The following ARHGEF26 variants were observed in gnomAD, a reference collection of about 807,000 sequenced individuals.
The protein encoded by ARHGEF26 is Rho guanine nucleotide exchange factor 26.
ARHGEF26 carries 59 observed loss-of-function variants against 89.4 expected under a neutral mutation model. The ratio of observed to expected loss-of-function variants is 0.66; its 90% CI spans 0.54 to 0.82. The LOEUF (loss-of-function observed/expected upper bound fraction) is 0.82, where lower values mean the gene tolerates loss of function less well. Among genes scored for constraint, ARHGEF26 ranks in the 40% least tolerant of loss-of-function variants. The pLI is 0.00. For missense variants in ARHGEF26, 1,234 were observed against 1,085.6 expected (o/e 1.14, Z -1.92); for synonymous variants, 500 against 428.4 (o/e 1.17, Z -2.06).
chr3:154,121,838 T>G (rs569589770), intron 1 of ARHGEF26, 104 bp from the exon 2 acceptor site: 1 of 1,034,274 alleles, frequency 9.7e-7, no homozygotes, highest in East Asian at 2.6e-5. Context: ...GGTGCAGTCG[T>G]GTCCTGCGCA....
chr3:154,227,174 T>G (rs1047346381), intron 11 of ARHGEF26, among the ~76,000 whole-genome samples: 2 of 152,312 alleles, frequency 1.3e-5, no homozygotes, highest in African/African-American at 4.8e-5. Context: ...CAATGATACA[T>G]ACATTAAAAT....
At chr3:154,213,792 CTA>C (rs1715553112) in intron 9 of ARHGEF26, among the ~76,000 whole-genome samples, 1 of 152,048 alleles carries the variant, frequency 6.6e-6, no homozygotes, top group Non-Finnish European at 1.5e-5. Context: ...GGGAAGATAA[CTA>C]TGAATAAATT....
chr3:154,199,285 T>A (rs758857050), intron 9 of ARHGEF26, among the ~76,000 whole-genome samples: 1 of 152,040 alleles, frequency 6.6e-6, no homozygotes, highest in Non-Finnish European at 1.5e-5. Flanking sequence ...TAAAAAAAAT[T>A]TTTAAATCCC....
intron 5 of ARHGEF26, among the ~76,000 whole-genome samples, chr3:154,151,564 C>T (rs928888168): frequency 4.6e-5 from 7 of 152,050 alleles, no homozygotes; most frequent in African/African-American, 1.2e-4. Context: ...AAATTCAATA[C>T]GCAGGTTAAA....
chr3:154,190,316 A>G (rs1713877691), intron 7 of ARHGEF26, among the ~76,000 whole-genome samples: 1 of 152,138 alleles, frequency 6.6e-6, no homozygotes, highest in Non-Finnish European at 1.5e-5. Context: ...GTTCGAGACT[A>G]CCCTGGCCAA....
chr3:154,165,787 G>A (rs1182790762), intron 6 of ARHGEF26, among the ~76,000 whole-genome samples: 1 of 152,036 alleles, frequency 6.6e-6, no homozygotes, highest in African/African-American at 2.4e-5. Context: ...GGGCCCTAAG[G>A]TTTCACTTGC....
intron 9 of ARHGEF26, among the ~76,000 whole-genome samples, chr3:154,208,798 C>G (rs988971678): frequency 1.1e-4 from 16 of 140,440 alleles, no homozygotes; most frequent in African/African-American, 3.5e-4. Flanking sequence ...TGGAGTCTCA[C>G]TCTATCACCC....
chr3:154,129,514 A>T, intron 3 of ARHGEF26, 60 bp from the exon 4 acceptor site: 1 of 1,549,186 alleles, frequency 6.5e-7, no homozygotes, highest in South Asian at 1.2e-5. Flanking sequence ...ATGTTTATTT[A>T]GAACAAGTAA....
At chr3:154,253,707 G>A (rs1475050083) in intron 13 of ARHGEF26, among the ~76,000 whole-genome samples, 2 of 152,134 alleles carry the variant, frequency 1.3e-5, no homozygotes, top group African/African-American at 2.4e-5. Flanking sequence ...AGAAACTGGC[G>A]CAGTGAAGGG....
chr3:154,228,084 A>G (rs1292807386), intron 11 of ARHGEF26, among the ~76,000 whole-genome samples: 1 of 152,014 alleles, frequency 6.6e-6, no homozygotes, highest in Admixed American at 6.5e-5. Flanking sequence ...TGCTCAGGTA[A>G]ATTTGAACTT....
chr3:154,129,436 T>C, intron 3 of ARHGEF26, 138 bp from the exon 4 acceptor site: 1 of 980,964 alleles, frequency 1.0e-6, no homozygotes, highest in Non-Finnish European at 1.5e-6. Flanking sequence ...TCTGTAATTA[T>C]TCTTCAGGGA....
At chr3:154,244,690 CAA>C (rs1373265997) in intron 12 of ARHGEF26, among the ~76,000 whole-genome samples, 1 of 151,514 alleles carries the variant, frequency 6.6e-6, no homozygotes, top group Non-Finnish European at 1.5e-5. Context: ...TTATCAATAA[CAA>C]ATTATAAATA....
chr3:154,167,911 T>C (rs1712145064), intron 6 of ARHGEF26, among the ~76,000 whole-genome samples: 1 of 152,188 alleles, frequency 6.6e-6, no homozygotes, highest in Non-Finnish European at 1.5e-5. Flanking sequence ...ATGATTGCAG[T>C]TTTGTTCTTA....
chr3:154,164,686 A>G (rs528372624), intron 6 of ARHGEF26, among the ~76,000 whole-genome samples: 84 of 152,318 alleles, frequency 5.5e-4, no homozygotes, highest in African/African-American at 1.9e-3. Context: ...TGACCAGAAC[A>G]GGGCACAATA....
At chr3:154,149,361 G>A in intron 4 of ARHGEF26, 28 bp from the exon 5 acceptor site, 2 of 1,579,444 alleles carry the variant, frequency 1.3e-6, no homozygotes, top group Non-Finnish European at 8.6e-7. Context: ...TAATAAATGA[G>A]TCAACTCTAC....
Position 154,122,224 on chromosome 3 carries a change from C to A in ARHGEF26, c.232C>A (p.His78Asn). ...CACCGCCTCGGACAGCAGGACGGTA[C>A]ATAGGAGCCCCCTGCTTCTGGGCGC... ...VPTASDSRTVHRSPLLLGAQR... is the reference protein window; with the variant it reads ...VPTASDSRTVNRSPLLLGAQR... The change falls in exon 2 of 15, where the codon CAT becomes AAT. Residue 78 changes from histidine (H) to asparagine (N), a missense_variant. By Grantham distance (68) the His-to-Asn change is moderately conservative (BLOSUM62 1). Transcript: ENST00000465093. 6.2e-7 allele frequency: 1 copy of A among 1,608,970 alleles called. No homozygotes were observed. The highest frequency in any genetic ancestry group is 8.5e-7 in the Non-Finnish European group (1 of 1,178,040).
chr3:154,154,319 TTAAA>T (rs1277673487), intron 6 of ARHGEF26, among the ~76,000 whole-genome samples: 2 of 152,074 alleles, frequency 1.3e-5, no homozygotes, highest in African/African-American at 2.4e-5. Context: ...GAGGTGGTAT[TTAAA>T]ACCTCAGTGA....
At chr3:154,154,794 G>A (rs1232922831) in intron 6 of ARHGEF26, among the ~76,000 whole-genome samples, 2 of 151,922 alleles carry the variant, frequency 1.3e-5, no homozygotes, top group Non-Finnish European at 2.9e-5. Flanking sequence ...TTATCATCGA[G>A]TAACTGTGTA....
chr3:154,257,616 G>A lies in ARHGEF26; in HGVS notation c.*2143G>A, dbSNP rs982266273. Reference sequence around the variant, plus strand: ...ATGTTAAAGTGTTGTTATATGGCAAGTATTTAACACATTCACAGTGTTTGT... The same window carrying A: ...ATGTTAAAGTGTTGTTATATGGCAAATATTTAACACATTCACAGTGTTTGT... On this transcript the variant is annotated 3_prime_UTR_variant, in exon 15 of 15. Coordinates refer to ENST00000465093, the MANE Select transcript of ARHGEF26 (RefSeq NM_015595.4). 6.6e-6 allele frequency: 1 copy of A among 151,894 alleles called. No individual in the cohort carries two copies. The highest frequency in any genetic ancestry group is 1.5e-5 in the Non-Finnish European group (1 of 68,018). 9.4% of individuals were successfully genotyped at this position (151,894 alleles called of 1,614,324 possible). A position where few individuals can be genotyped will look rare whatever the true frequency, so the allele number is the denominator to read the frequency against.
Sources: allele counts gnomAD v4.1 joint callset (sites outside exome capture counted in the v4.1 genomes callset), GRCh38; gene constraint gnomAD v4.1.1; transcripts MANE v1.5; gene names NCBI Gene and HGNC (gene_info 2026-07-23, HGNC 2026-07-21).